The following TENM2 variants were observed in gnomAD, a reference collection of about 807,000 sequenced individuals.
TENM2 encodes the protein teneurin transmembrane protein 2, also known as teneurin-2.
TENM2 carries 52 observed loss-of-function variants against 245.2 expected under a neutral mutation model. The observed-to-expected ratio is 0.21, with a 90% CI of 0.17 to 0.27. TENM2 has a LOEUF of 0.27. Ranked by LOEUF, TENM2 falls within the 10% of genes least tolerant of loss-of-function variation. The probability of loss-of-function intolerance (pLI) is 1.00; values close to 1 mark genes in which losing one functional copy is unlikely to be tolerated. For synonymous variants in TENM2, 1,363 were observed against 1,438.9 expected (o/e 0.95, Z 1.19); for missense variants, 3,046 against 3,666.8 (o/e 0.83, Z 4.37).
chr5:167,940,281 T>A (rs1779068847), intron 3 of TENM2, among the ~76,000 whole-genome samples: 1 of 152,216 alleles, frequency 6.6e-6, no homozygotes, highest in Non-Finnish European at 1.5e-5. Flanking sequence ...ATTAACTAAT[T>A]CGGTCATTTG....
chr5:167,411,435 C>A (rs1340948615), intron 2 of TENM2, among the ~76,000 whole-genome samples: 1 of 151,936 alleles, frequency 6.6e-6, no homozygotes, highest in Non-Finnish European at 1.5e-5. Flanking sequence ...TACGCTGAGT[C>A]TTTAACTGAA....
chr5:167,757,254 C>A (rs767320679), intron 2 of TENM2, among the ~76,000 whole-genome samples: 5 of 151,660 alleles, frequency 3.3e-5, no homozygotes, highest in East Asian at 2.0e-4. Flanking sequence ...CTCCCACCCC[C>A]CAACAGGCCC....
At chr5:167,090,302 T>C in the TENM2 span, among the ~76,000 whole-genome samples, 1 of 151,100 alleles carries the variant, frequency 6.6e-6, no homozygotes, top group African/African-American at 2.5e-5. Context: ...TTTTTTTAAA[T>C]TCAGTCTCCC....
chr5:168,044,412 G>T (rs1018506224), intron 5 of TENM2, among the ~76,000 whole-genome samples: 2 of 152,132 alleles, frequency 1.3e-5, no homozygotes, highest in African/African-American at 4.8e-5. Context: ...TTGGCAGCAG[G>T]TGTTGATATG....
chr5:168,118,486 G>A, exon 10 of TENM2: 2 of 1,521,152 alleles, frequency 1.3e-6, no homozygotes, highest in South Asian at 2.6e-5. Flanking sequence ...CTGTGAGGAA[G>A]GTAAGCCCGC....
At chr5:167,267,090 G>A in the TENM2 span, among the ~76,000 whole-genome samples, 5 of 152,148 alleles carry the variant, frequency 3.3e-5, no homozygotes, top group Non-Finnish European at 5.9e-5. Flanking sequence ...TCACCATAGA[G>A]AATGGCATGT....
intron 2 of TENM2, among the ~76,000 whole-genome samples, chr5:167,446,112 A>G (rs993797149): frequency 6.6e-6 from 1 of 152,148 alleles, no homozygotes; most frequent in African/African-American, 2.4e-5. Flanking sequence ...GTTGGCAAAT[A>G]TATTAAATAA....
chr5:168,121,477 G>C (rs1414326959), intron 10 of TENM2, among the ~76,000 whole-genome samples: 1 of 152,098 alleles, frequency 6.6e-6, no homozygotes, highest in Non-Finnish European at 1.5e-5. Flanking sequence ...AGCACAAAGG[G>C]CATATTTACT....
intron 1 of TENM2, among the ~76,000 whole-genome samples, chr5:167,337,792 G>A (rs976103488): frequency 2.6e-5 from 4 of 152,170 alleles, no homozygotes; most frequent in African/African-American, 9.7e-5. Flanking sequence ...CTAAGTGCTG[G>A]CCTTGGAAAT....
intron 2 of TENM2, among the ~76,000 whole-genome samples, chr5:167,436,784 G>C (rs1248481820): frequency 6.6e-6 from 1 of 152,142 alleles, no homozygotes; most frequent in Admixed American, 6.6e-5. Context: ...CATACAGCTC[G>C]GGCTCTTCCT....
At chr5:167,476,436 T>C (rs1767380802) in intron 2 of TENM2, among the ~76,000 whole-genome samples, 2 of 152,152 alleles carry the variant, frequency 1.3e-5, no homozygotes, top group South Asian at 4.1e-4. Flanking sequence ...TGTCAAAAAA[T>C]CATATTTGTA....
chr5:167,877,879 G>A (rs1174840354), intron 3 of TENM2, among the ~76,000 whole-genome samples: 2 of 151,988 alleles, frequency 1.3e-5, no homozygotes, highest in African/African-American at 2.4e-5. Flanking sequence ...AACTACCTTC[G>A]CTTATGTTTT....
At chr5:167,807,842 T>C (rs974908263) in intron 2 of TENM2, among the ~76,000 whole-genome samples, 2 of 152,094 alleles carry the variant, frequency 1.3e-5, no homozygotes, top group Non-Finnish European at 2.9e-5. Flanking sequence ...TGGGGAACTT[T>C]TAAAATCCTG....
chr5:168,103,652 A>G (rs1055915550), intron 9 of TENM2, among the ~76,000 whole-genome samples: 1 of 152,116 alleles, frequency 6.6e-6, no homozygotes, highest in African/African-American at 2.4e-5. Flanking sequence ...TACATCAGAG[A>G]TGCACTTCTG....
In TENM2 at chr5:167,859,436, C is replaced by T. The variant is rs1383900827; in HGVS notation, c.503-16550C>T. 2.2e-5 allele frequency among the ~76,000 whole-genome samples: 3 copies of T among 138,674 alleles called. No homozygotes were observed. In the East Asian group the frequency reaches 6.8e-4, roughly 31 times the overall value. The allele number at this position is 138,674 out of a possible 152,430, so 91.0% of individuals were successfully genotyped here. A position where few individuals can be genotyped will look rare whatever the true frequency, so the allele number is the denominator to read the frequency against. On this transcript the variant is annotated intron_variant, in intron 2 of 28. Transcript: ENST00000518659. ...CCCGTCCGGGAGGTGAGGGGCGCCTCTGCCCGGCCGCCCCTACTGGGAAGT... is the reference window on the plus strand; with the variant it reads ...CCCGTCCGGGAGGTGAGGGGCGCCTTTGCCCGGCCGCCCCTACTGGGAAGT...
intron 2 of TENM2, among the ~76,000 whole-genome samples, chr5:167,412,072 T>G (rs1206791745): frequency 1.3e-5 from 2 of 152,060 alleles, no homozygotes; most frequent in African/African-American, 4.8e-5. Context: ...ACAGTGGGAT[T>G]TAAGGGTTCA....
chr5:167,351,595 T>C (rs954840150), intron 1 of TENM2, among the ~76,000 whole-genome samples: 1 of 152,136 alleles, frequency 6.6e-6, no homozygotes, highest in African/African-American at 2.4e-5. Flanking sequence ...TCAGGCTAAG[T>C]CTCAAAGCAG....
chr5:167,761,783 A>G (rs1412846457), intron 2 of TENM2, among the ~76,000 whole-genome samples: 2 of 152,158 alleles, frequency 1.3e-5, no homozygotes, highest in Non-Finnish European at 2.9e-5. Flanking sequence ...CAAGCTTCTG[A>G]GCAGCTGTAC....
At chr5:167,007,869 TG>T in the TENM2 span, among the ~76,000 whole-genome samples, 1 of 152,172 alleles carries the variant, frequency 6.6e-6, no homozygotes, top group African/African-American at 2.4e-5. This position sits in a 1 kb window ranked among gnomAD's most constrained non-coding sequence, Gnocchi z 4.2. Flanking sequence ...GGCCAGAACT[TG>T]CTTTACATTT....
Sources: gnomAD v4.1 joint callset for allele counts (sites outside exome capture counted in the v4.1 genomes callset) on GRCh38, gnomAD v4.1.1 for gene constraint, Gnocchi (gnomAD v3.1) non-coding constraint, MANE v1.5 for transcripts, NCBI Gene and HGNC (gene_info 2026-07-23, HGNC 2026-07-21) for gene names.